GUCY2F: variants seen among roughly 807,000 people sequenced by gnomAD.
GUCY2F encodes guanylate cyclase 2F, retinal.
A neutral mutation model predicts 73.1 loss-of-function variants in GUCY2F; 61 were observed. The observed-to-expected ratio is 0.83, with a 90% CI of 0.68 to 1.03. GUCY2F has a LOEUF of 1.03. GUCY2F is among the 50% of genes least tolerant of loss of function. GUCY2F has a pLI of 0.00. For synonymous variants in GUCY2F, 331 were observed against 307.8 expected (o/e 1.08, Z -0.79); for missense variants, 912 against 854.3 (o/e 1.07, Z -0.84).
At chrX:109,387,090 AGGATGGAT>A (rs1239980574) in intron 15 of GUCY2F, among the ~76,000 whole-genome samples, 1 of 112,338 alleles carries the variant, frequency 8.9e-6, no homozygotes, top group Non-Finnish European at 1.9e-5. Context: ...GACTATGAGA[AGGATGGAT>A]GGTAAGAGGC....
chrX:109,441,738 G>T (rs770141756), intron 6 of GUCY2F, among the ~76,000 whole-genome samples: 1 of 108,967 alleles, frequency 9.2e-6, no homozygotes, highest in Non-Finnish European at 1.9e-5. Context: ...ATACAGATGG[G>T]GGCAAGAAAG....
chrX:109,413,874 G>A (rs2147262787), intron 8 of GUCY2F, among the ~76,000 whole-genome samples: 1 of 111,336 alleles, frequency 9.0e-6, no homozygotes, highest in Non-Finnish European at 1.9e-5. Context: ...TTATGAAAAT[G>A]TCATTCTCCA....
chrX:109,396,203 A>G (rs1930703576), intron 11 of GUCY2F, among the ~76,000 whole-genome samples: 1 of 110,953 alleles, frequency 9.0e-6, no homozygotes, highest in African/African-American at 3.3e-5. Context: ...GACAATCTCA[A>G]CCTGTTACAC....
At chrX:109,452,478 A>G (rs756613302) in intron 4 of GUCY2F, among the ~76,000 whole-genome samples, 2 of 112,156 alleles carry the variant, frequency 1.8e-5, no homozygotes, top group South Asian at 7.4e-4. Flanking sequence ...GTTAAGTATT[A>G]TCTTGCCTTC....
Position 109,404,362 on chromosome X carries a change from C to T in GUCY2F, c.2091G>A (p.Met697Ile). 8.3e-7 allele frequency: 1 copy of T among 1,199,714 alleles called. No homozygotes were observed. Among genetic ancestry groups the T allele is most frequent in the Non-Finnish European group, 1.1e-6 (1 of 884,878 alleles). Residue 697 changes from methionine to isoleucine, a missense_variant, in exon 10 of 20, where the codon ATG becomes ATA. Coordinates refer to ENST00000218006, the MANE Select transcript of GUCY2F (RefSeq NM_001522.3). ...AAGATTCCTCTTCAGAGAGTCTCAG[C>T]ATTTCTAAGATGTCGTTAAAGCCAT... ...TDYGFNDILE[M>I]LRLSEEESSM...
intron 7 of GUCY2F, among the ~76,000 whole-genome samples, chrX:109,439,520 G>A (rs1931824247): frequency 9.3e-6 from 1 of 107,949 alleles, no homozygotes; most frequent in Non-Finnish European, 1.9e-5. Flanking sequence ...TTACAACTCT[G>A]TATGTTCCGA....
intron 6 of GUCY2F, among the ~76,000 whole-genome samples, chrX:109,445,034 A>G (rs971310962): frequency 3.6e-5 from 4 of 111,474 alleles, no homozygotes; most frequent in Non-Finnish European, 7.5e-5. Flanking sequence ...GTCCTACCAC[A>G]TTCTAGTTTC....
In GUCY2F at chrX:109,393,583, C is replaced by T. The variant is rs1930627255; in HGVS notation, c.2425-528G>A. ...AAGATCCACGTGATAAAATCAACCC[C>T]TATTTCTTACCGTGGAGTCCAAGAA... On this transcript the variant is annotated intron_variant, in intron 12 of 19. Coordinates refer to ENST00000218006, the MANE Select transcript of GUCY2F (RefSeq NM_001522.3). Among the ~76,000 whole-genome samples the T allele has an allele frequency of 2.7e-5, 3 of 111,667 alleles. No homozygotes were observed. In the South Asian group the frequency reaches 1.1e-3, roughly 43 times the overall value.
Position 109,392,054 on chromosome X carries a change from A to G in GUCY2F, c.2638T>C (p.Phe880Leu). The change falls in exon 14 of 20, where the codon TTT becomes CTT. Residue 880 changes from phenylalanine (F) to leucine (L), a missense_variant. Phe to Leu is a conservative substitution (Grantham distance 22). Coordinates refer to ENST00000218006, the MANE Select transcript of GUCY2F (RefSeq NM_001522.3). ...KKGCTVEPEGFDLVTLYFSDI... is the reference protein window; with the variant it reads ...KKGCTVEPEGLDLVTLYFSDI... Reference sequence around the variant, plus strand: ...CTGAAGTACAAGGTGACCAAGTCAAAGCCCTCAGGTTCAACTGTGCAGCCC... The same window carrying G: ...CTGAAGTACAAGGTGACCAAGTCAAGGCCCTCAGGTTCAACTGTGCAGCCC... 5.8e-6 allele frequency: 7 copies of G among 1,209,407 alleles called. No individual in the cohort carries two copies. Among genetic ancestry groups the G allele is most frequent in the Non-Finnish European group, 7.8e-6 (7 of 894,017 alleles).
chrX:109,404,556 G>T, intron 9 of GUCY2F, 72 bp from the exon 10 acceptor site: 1 of 705,596 alleles, frequency 1.4e-6, no homozygotes, highest in Non-Finnish European at 2.2e-6. Flanking sequence ...CAATTTCTGA[G>T]ATTGTTAATG....
At chrX:109,444,645 C>T (rs1291812644) in intron 6 of GUCY2F, among the ~76,000 whole-genome samples, 1 of 111,573 alleles carries the variant, frequency 9.0e-6, no homozygotes, top group Non-Finnish European at 1.9e-5. Context: ...GCCTAGGACA[C>T]CTCGCCTATG....
chrX:109,452,216 C>T, intron 4 of GUCY2F, 109 bp from the exon 5 acceptor site: 2 of 516,400 alleles, frequency 3.9e-6, no homozygotes, highest in Admixed American at 3.1e-5. Context: ...AATATCAAGC[C>T]ACATCTACCT....
intron 9 of GUCY2F, among the ~76,000 whole-genome samples, chrX:109,404,832 T>C (rs1467332505): frequency 8.9e-6 from 1 of 112,395 alleles, no homozygotes; most frequent in Non-Finnish European, 1.9e-5. Context: ...TCACCCATTA[T>C]TGGCAAGAAT....
chrX:109,451,932 A>G (rs1248626982), intron 5 of GUCY2F, 91 bp downstream of exon 5: 1 of 553,358 alleles, frequency 1.8e-6, no homozygotes, highest in African/African-American at 2.3e-5. Flanking sequence ...TAATGAGGCA[A>G]TTGTACCGAA....
chrX:109,409,645 A>T (rs1274310889), intron 8 of GUCY2F, among the ~76,000 whole-genome samples: 1 of 111,072 alleles, frequency 9.0e-6, no homozygotes, highest in South Asian at 3.8e-4. Context: ...ACATATTGTG[A>T]GAGGGACCCA....
chrX:109,449,759 G>A (rs73530241), intron 5 of GUCY2F, among the ~76,000 whole-genome samples: 6,486 of 111,556 alleles, frequency 0.058, 428 homozygotes, highest in African/African-American at 0.19. Context: ...ATGAGGGATC[G>A]TTATTATCAT....
intron 7 of GUCY2F, among the ~76,000 whole-genome samples, chrX:109,432,847 T>C (rs7058231): frequency 0.018 from 2,014 of 111,903 alleles, 43 homozygotes; most frequent in African/African-American, 0.062. Context: ...CGAAATTGGT[T>C]CTCTGAGAAT....
chrX:109,475,939 C>G lies in GUCY2F; in HGVS notation c.-3G>C. ...AAGCGCCCGAGTCCCAGGAACATAG[C>G]CCTCCTGCTTCCAGCAAGCTAATGA... On this transcript the variant is annotated 5_prime_UTR_variant, in exon 2 of 20. Coordinates refer to ENST00000218006, the MANE Select transcript of GUCY2F (RefSeq NM_001522.3). 1 of 1,192,504 alleles carries G rather than the reference C, an allele frequency of 8.4e-7. No individual in the cohort carries two copies. The highest frequency in any genetic ancestry group is 2.3e-5 in the Admixed American group (1 of 43,679).
chrX:109,376,100 G>A lies in GUCY2F; in HGVS notation c.3218C>T (p.Pro1073Leu). The A allele has an allele frequency of 1.7e-6, 2 of 1,201,418 alleles. No individual in the cohort carries two copies. Among genetic ancestry groups the A allele is most frequent in the South Asian group, 1.8e-5 (1 of 56,755 alleles). The change falls in exon 18 of 20, where the codon CCC (proline) becomes CTC (leucine). Residue 1073 changes from proline (P) to leucine (L), a missense_variant. Pro to Leu is a moderately conservative substitution (Grantham distance 98). Coordinates refer to ENST00000218006, the MANE Select transcript of GUCY2F (RefSeq NM_001522.3). The stretch of plus-strand genomic sequence containing the variant: ...TTACCCATCTTTGTCCACTGGTGGG[G>A]GCACAGGAAGGGGCTTCATGAAGCC... The part of the protein sequence containing the change: ...KKGFMKPLPV[P>L]PPVDKDGQVG...
Sources: allele counts gnomAD v4.1 joint callset (sites outside exome capture counted in the v4.1 genomes callset), GRCh38; gene constraint gnomAD v4.1.1; transcripts MANE v1.5; gene names NCBI Gene and HGNC (gene_info 2026-07-23, HGNC 2026-07-21).